Variants in PPARGC1A observed in about 807,000 individuals in gnomAD.
The protein encoded by PPARGC1A is PPARG coactivator 1 alpha.
Under a neutral mutation model 88.7 loss-of-function variants are expected in PPARGC1A, and 25 were observed. The observed-to-expected ratio is 0.28, with a 90% CI of 0.21 to 0.39. The LOEUF is 0.39. Among genes scored for constraint, PPARGC1A ranks in the 10% least tolerant of loss-of-function variants. The pLI is 1.00. For synonymous variants in PPARGC1A, 363 were observed against 355.6 expected, an observed-to-expected ratio of 1.02 and a Z score of -0.24; for missense variants, 880 against 968.7, an observed-to-expected ratio of 0.91 and a Z score of 1.22.
the PPARGC1A span, among the ~76,000 whole-genome samples, chr4:24,075,626 G>A: frequency 4.6e-5 from 7 of 152,230 alleles, no homozygotes; most frequent in East Asian, 5.8e-4. Flanking sequence ...AATCATGGGG[G>A]GAGGTTTTTG....
the PPARGC1A span, among the ~76,000 whole-genome samples, chr4:24,459,496 GA>G: frequency 2.7e-5 from 4 of 150,666 alleles, no homozygotes; most frequent in Non-Finnish European, 5.9e-5. Flanking sequence ...ATCAATTAAG[GA>G]AAAAAAAACT....
the PPARGC1A span, among the ~76,000 whole-genome samples, chr4:24,246,576 A>G: frequency 1.3e-5 from 2 of 152,232 alleles, no homozygotes; most frequent in Non-Finnish European, 2.9e-5. Context: ...TCATGAAACC[A>G]CTGCACTCCA....
chr4:24,286,107 C>G, the PPARGC1A span, among the ~76,000 whole-genome samples: 1 of 152,006 alleles, frequency 6.6e-6, no homozygotes, highest in African/African-American at 2.4e-5. Flanking sequence ...TTACCAATCT[C>G]TGCATGCAAG....
At chr4:24,270,315 CTCTCTCTCTCTCTCTCTCTG>C in the PPARGC1A span, among the ~76,000 whole-genome samples, 34 of 10,924 alleles carry the variant, frequency 3.1e-3, no homozygotes, top group Non-Finnish European at 5.6e-3. Context: ...ACCTCTCTCT[CTCTCTCTCTCTCTCTCTCTG>C]TGTGTGTGTG....
chr4:24,287,777 A>G, the PPARGC1A span, among the ~76,000 whole-genome samples: 5 of 152,140 alleles, frequency 3.3e-5, no homozygotes, highest in African/African-American at 1.2e-4. Flanking sequence ...TGGTCATATT[A>G]TACCATTTCT....
chr4:24,442,799 TG>T, the PPARGC1A span, among the ~76,000 whole-genome samples: 13 of 152,180 alleles, frequency 8.5e-5, no homozygotes, highest in Admixed American at 3.9e-4. Context: ...GGCCCTGACA[TG>T]ATTAAATGTT....
At chr4:23,897,325 C>T (rs1251241224) in intron 1 of PPARGC1A, among the ~76,000 whole-genome samples, 1 of 152,112 alleles carries the variant, frequency 6.6e-6, no homozygotes, top group East Asian at 1.9e-4. Flanking sequence ...GGTGGAGTCA[C>T]TTTGAGGATC....
chr4:24,196,578 A>G, the PPARGC1A span, among the ~76,000 whole-genome samples: 1 of 152,236 alleles, frequency 6.6e-6, no homozygotes, highest in African/African-American at 2.4e-5. Flanking sequence ...GCTGCAATGC[A>G]GTAGCCAGGC....
At chr4:24,199,918 G>T in the PPARGC1A span, among the ~76,000 whole-genome samples, 1 of 152,096 alleles carries the variant, frequency 6.6e-6, no homozygotes. Context: ...CTATGAGGAC[G>T]TTGCTGACAG....
the PPARGC1A span, among the ~76,000 whole-genome samples, chr4:24,349,714 C>T: frequency 1.2e-4 from 19 of 152,260 alleles, no homozygotes; most frequent in East Asian, 3.9e-4. Context: ...AAAACTTACC[C>T]GAAGCTATCT....
the PPARGC1A span, among the ~76,000 whole-genome samples, chr4:24,106,652 A>G: frequency 1.3e-5 from 2 of 152,114 alleles, no homozygotes; most frequent in South Asian, 2.1e-4. Context: ...GACTCCCACC[A>G]TATGAGGTAG....
At chr4:23,823,677 G>A (rs1437896194) in intron 7 of PPARGC1A, among the ~76,000 whole-genome samples, 1 of 152,014 alleles carries the variant, frequency 6.6e-6, no homozygotes, top group African/African-American at 2.4e-5. Context: ...ATGTGTGCAT[G>A]CCTATAAAAA....
At chr4:23,812,570 A>C (rs114803201) in intron 10 of PPARGC1A, among the ~76,000 whole-genome samples, 177 bp downstream of exon 10, 2 of 152,200 alleles carry the variant, frequency 1.3e-5, no homozygotes, top group African/African-American at 4.8e-5. Flanking sequence ...TTTGTTTTCC[A>C]ATAAGTTAGG....
the PPARGC1A span, among the ~76,000 whole-genome samples, chr4:24,070,919 G>A: frequency 6.6e-6 from 1 of 152,172 alleles, no homozygotes; most frequent in East Asian, 1.9e-4. Flanking sequence ...ACAGAGCTGA[G>A]TAGTTGCAAC....
At chr4:24,128,842 A>C in the PPARGC1A span, among the ~76,000 whole-genome samples, 3 of 152,260 alleles carry the variant, frequency 2.0e-5, no homozygotes, top group South Asian at 6.2e-4. Context: ...TAATTGGAGG[A>C]AAGGATCTGA....
At chr4:24,351,127 A>T in the PPARGC1A span, among the ~76,000 whole-genome samples, 1 of 152,048 alleles carries the variant, frequency 6.6e-6, no homozygotes, top group Non-Finnish European at 1.5e-5. Context: ...GCTACTTGCG[A>T]GGCTGAGGTG....
chr4:24,249,354 A>G, the PPARGC1A span, among the ~76,000 whole-genome samples: 1 of 152,218 alleles, frequency 6.6e-6, no homozygotes, highest in African/African-American at 2.4e-5. Flanking sequence ...AGAAGGTTTA[A>G]CCAATCCAAT....
the PPARGC1A span, among the ~76,000 whole-genome samples, chr4:23,935,044 G>C: frequency 6.6e-6 from 1 of 152,182 alleles, no homozygotes; most frequent in African/African-American, 2.4e-5. Flanking sequence ...TCACATGCTT[G>C]TGGTTTGGCT....
the PPARGC1A span, among the ~76,000 whole-genome samples, chr4:24,049,302 A>ATG: frequency 0.11 from 5,063 of 45,788 alleles, 146 homozygotes; most frequent in Admixed American, 0.25. Flanking sequence ...GTATATATAT[A>ATG]TGTGTGTATA....
Sources: gnomAD v4.1 joint callset for allele counts (sites outside exome capture counted in the v4.1 genomes callset) on GRCh38, gnomAD v4.1.1 for gene constraint, MANE v1.5 for transcripts, NCBI Gene and HGNC (gene_info 2026-07-23, HGNC 2026-07-21) for gene names.